The following PDGFRA variants were observed in gnomAD, a reference collection of about 807,000 sequenced individuals.
The protein encoded by PDGFRA is platelet derived growth factor receptor alpha, also known as platelet-derived growth factor receptor alpha.
PDGFRA carries 25 observed loss-of-function variants against 121.5 expected under a neutral mutation model. The ratio of observed to expected loss-of-function variants is 0.21; its 90% CI spans 0.15 to 0.29. The LOEUF (loss-of-function observed/expected upper bound fraction) is 0.29, where lower values mean the gene tolerates loss of function less well. Among genes scored for constraint, PDGFRA ranks in the 10% least tolerant of loss-of-function variants. PDGFRA has a pLI of 1.00. For synonymous variants in PDGFRA, 463 were observed against 494.8 expected (o/e 0.94, Z 0.85); for missense variants, 1,008 against 1,345.1 (o/e 0.75, Z 3.92).
At chr4:54,239,753 C>T (rs1358385038) in intron 1 of PDGFRA, among the ~76,000 whole-genome samples, 5 of 152,198 alleles carry the variant, frequency 3.3e-5, no homozygotes, top group Non-Finnish European at 4.4e-5. Context: ...GATGGGAGCA[C>T]GCCTGGCTGG....
At chr4:54,291,249 A>C (rs1403487151) in intron 22 of PDGFRA, among the ~76,000 whole-genome samples, 1 of 152,162 alleles carries the variant, frequency 6.6e-6, no homozygotes, top group Non-Finnish European at 1.5e-5. Context: ...GTTTGGAAGC[A>C]AATCCTAGAC....
intron 10 of PDGFRA, among the ~76,000 whole-genome samples, 178 bp downstream of exon 10, chr4:54,273,908 G>A (rs574129807): frequency 5.9e-5 from 9 of 152,356 alleles, no homozygotes; most frequent in African/African-American, 1.9e-4. Context: ...TTGAGACAGA[G>A]TTTTGCTCTG....
chr4:54,231,315 C>T (rs1358468009), intron 1 of PDGFRA, among the ~76,000 whole-genome samples: 1 of 152,222 alleles, frequency 6.6e-6, no homozygotes, highest in Admixed American at 6.5e-5. Context: ...GCTCCGAGGC[C>T]AAATTGCTCA....
At position 54,289,046 on chromosome 4, in the gene PDGFRA, G is replaced by C. The variant is rs1328843460; in HGVS notation, c.2812G>C (p.Glu938Gln). ...IMVKCWNSEP[E>Q]KRPSFYHLSE... is the part of the protein sequence containing the mutation. The stretch of plus-strand genomic sequence containing the variant: ...GGTGAAATGCTGGAACAGTGAGCCG[G>C]AGAAGAGACCCTCCTTTTACCACCT... The change falls in exon 21 of 23, where the codon GAG becomes CAG. Residue 938 changes from glutamate to glutamine, a missense_variant. By Grantham distance (29) the Glu-to-Gln change is conservative. Transcript: ENST00000257290. 6.2e-7 allele frequency: 1 copy of C among 1,612,138 alleles called. No individual in the cohort carries two copies. The highest frequency in any genetic ancestry group is 1.1e-5 in the South Asian group (1 of 91,032).
intron 1 of PDGFRA, among the ~76,000 whole-genome samples, chr4:54,253,253 A>G (rs1025404659): frequency 9.9e-5 from 15 of 152,228 alleles, no homozygotes; most frequent in African/African-American, 2.2e-4. Flanking sequence ...AGAAAAAGTA[A>G]TGAAAACCAA....
intron 1 of PDGFRA, among the ~76,000 whole-genome samples, chr4:54,256,982 T>C (rs2110230745): frequency 6.6e-6 from 1 of 152,194 alleles, no homozygotes; most frequent in East Asian, 1.9e-4. Context: ...TGAACTATGA[T>C]TGTGCCAGTA....
At chr4:54,271,774 TCCTTCCTTCCTC>T (rs1263084763) in intron 8 of PDGFRA, among the ~76,000 whole-genome samples, 1 of 146,718 alleles carries the variant, frequency 6.8e-6, no homozygotes, top group Non-Finnish European at 1.5e-5. Flanking sequence ...TCTCCTTCCT[TCCTTCCTTCCTC>T]CCTCCCTCAC....
chr4:54,247,203 T>C (rs1486872172), intron 1 of PDGFRA, among the ~76,000 whole-genome samples: 2 of 152,178 alleles, frequency 1.3e-5, no homozygotes, highest in African/African-American at 4.8e-5. Context: ...GAGGGAATCC[T>C]CCCTAACTCA....
chr4:54,282,332 T>C (rs1724122715), intron 16 of PDGFRA, among the ~76,000 whole-genome samples: 2 of 152,150 alleles, frequency 1.3e-5, no homozygotes, highest in African/African-American at 4.8e-5. Context: ...TGGAGAGGCC[T>C]CATGAAGCCA....
chr4:54,237,213 G>T (rs1280724216), intron 1 of PDGFRA, among the ~76,000 whole-genome samples: 1 of 152,088 alleles, frequency 6.6e-6, no homozygotes, highest in African/African-American at 2.4e-5. Flanking sequence ...CAAGTGATCT[G>T]CCCACCTCAG....
intron 1 of PDGFRA, among the ~76,000 whole-genome samples, chr4:54,242,564 T>C (rs1254410638): frequency 6.6e-6 from 1 of 152,120 alleles, no homozygotes; most frequent in East Asian, 1.9e-4. Flanking sequence ...CACACACATA[T>C]ATATGTATGT....
At chr4:54,277,208 A>G (rs56097290) in intron 12 of PDGFRA, 180 bp from the exon 13 acceptor site, 1 of 659,826 alleles carries the variant, frequency 1.5e-6, no homozygotes, top group Non-Finnish European at 2.8e-6. Context: ...CAATTATGCT[A>G]ATTTCCTTCC....
At position 54,267,304 on chromosome 4, in the gene PDGFRA, A is replaced by G. The variant is rs1060501503; in HGVS notation, c.775A>G (p.Thr259Ala). ...TTTGCTGTAGAAAGGCAAAGGCATCACAATGCTGGAAGAAATCAAAGTCCC... is the reference window on the plus strand; with the variant it reads ...TTTGCTGTAGAAAGGCAAAGGCATCGCAATGCTGGAAGAAATCAAAGTCCC... The part of the protein sequence containing the change: ...YPGEVKGKGI[T>A]MLEEIKVPSI... Residue 259 changes from threonine to alanine, a missense_variant, in exon 6 of 23, where the codon ACA becomes GCA. Thr to Ala is a moderately conservative substitution (Grantham distance 58, BLOSUM62 0). Coordinates refer to ENST00000257290, the MANE Select transcript of PDGFRA (RefSeq NM_006206.6). 4 of 1,614,154 alleles carry G rather than the reference A, an allele frequency of 2.5e-6. No individual in the cohort carries two copies. The highest frequency in any genetic ancestry group is 3.4e-6 in the Non-Finnish European group (4 of 1,180,004).
At chr4:54,291,095 A>G (rs948515370) in intron 22 of PDGFRA, among the ~76,000 whole-genome samples, 2 of 152,108 alleles carry the variant, frequency 1.3e-5, no homozygotes, top group African/African-American at 4.8e-5. Context: ...TAAATTTTGT[A>G]TTATGGAAGA....
At chr4:54,234,102 G>T (rs1016654372) in intron 1 of PDGFRA, among the ~76,000 whole-genome samples, 5 of 152,216 alleles carry the variant, frequency 3.3e-5, no homozygotes, top group Admixed American at 1.3e-4. Context: ...GCCCAGCAGC[G>T]TCGTCTTCCC....
rs1577755578 is a variant in PDGFRA at position 54,295,169 on chromosome 4, G to A, written c.3167G>A (p.Ser1056Asn). ...EESAIETGSSSSTFIKREDET... is the reference protein window; with the variant it reads ...EESAIETGSSNSTFIKREDET... ...AGTGCCATTGAGACGGGTTCCAGCA[G>A]TTCCACCTTCATCAAGAGAGAGGAC... The change falls in exon 23 of 23, where the codon AGT (serine) becomes AAT (asparagine). Residue 1056 changes from serine (S) to asparagine (N), a missense_variant. Physicochemically the swap from Ser to Asn is conservative, Grantham distance 46 (BLOSUM62 1). Coordinates refer to ENST00000257290, the MANE Select transcript of PDGFRA (RefSeq NM_006206.6). 1 of 1,614,138 alleles carries A rather than the reference G, an allele frequency of 6.2e-7. No homozygotes were observed. The highest frequency in any genetic ancestry group is 1.1e-5 in the South Asian group (1 of 91,088).
At chr4:54,286,682 G>A (rs6820633) in intron 18 of PDGFRA, among the ~76,000 whole-genome samples, 4,987 of 152,206 alleles carry the variant, frequency 0.033, 262 homozygotes, top group African/African-American at 0.11. Flanking sequence ...TATGTCAATT[G>A]CGTGTATGCA....
intron 16 of PDGFRA, among the ~76,000 whole-genome samples, chr4:54,281,120 T>A (rs1372902864): frequency 6.6e-6 from 1 of 152,208 alleles, no homozygotes; most frequent in Non-Finnish European, 1.5e-5. Flanking sequence ...TTAAATTGAT[T>A]TATAAACTCC....
At chr4:54,259,269 T>A (rs191214203) in intron 2 of PDGFRA, among the ~76,000 whole-genome samples, 87 of 152,222 alleles carry the variant, frequency 5.7e-4, no homozygotes, top group South Asian at 2.5e-3. Context: ...TGATTATGCC[T>A]GTGACTAGCC....
Sources: allele counts gnomAD v4.1 joint callset (sites outside exome capture counted in the v4.1 genomes callset), GRCh38; gene constraint gnomAD v4.1.1; transcripts MANE v1.5; gene names NCBI Gene and HGNC (gene_info 2026-07-23, HGNC 2026-07-21).